GJA3: variants seen among roughly 807,000 people sequenced by gnomAD.
GJA3 encodes the protein gap junction protein alpha 3.
For synonymous variants in GJA3, 297 were observed against 292.6 expected, an observed-to-expected ratio of 1.02 and a Z score of -0.15; for missense variants, 571 against 620.3, an observed-to-expected ratio of 0.92 and a Z score of 0.84.
chr13:20,142,401 G>A lies in GJA3; in HGVS notation c.888C>T (p.Asp296=), dbSNP rs1219670318. The change falls in exon 2 of 2, where the codon GAC becomes GAT. Residue 296 remains aspartate, a synonymous_variant. Coordinates refer to ENST00000241125, the MANE Select transcript of GJA3 (RefSeq NM_021954.4). ...CCTCGGTCAGGGCTAGCAGTTTGAA[G>A]TCCGCGGCTGGTGGCGGGGCCCCGG... ...GYPGAPPPAA[D]FKLLALTEAR... is the part of the protein sequence containing the mutation. 2 of 1,504,748 alleles carry A rather than the reference G, an allele frequency of 1.3e-6. No individual in the cohort carries two copies. The highest frequency in any genetic ancestry group is 1.4e-5 in the African/African-American group (1 of 71,350). The allele number at this position is 1,504,748 out of a possible 1,614,324, so 93.2% of individuals were successfully genotyped here.
chr13:20,143,191 C>A lies in GJA3; in HGVS notation c.98G>T (p.Arg33Leu), dbSNP rs374701362. ...KVWLTVLFIF[R>L]ILVLGAAAED... ...CGCCGCGGCCCCCAGCACCAAGATG[C>A]GGAAGATGAACAGCACGGTCAGCCA... Residue 33 changes from arginine (R) to leucine (L), a missense_variant, in exon 2 of 2, where the codon CGC becomes CTC. By Grantham distance (102) the Arg-to-Leu change is moderately radical. Transcript: ENST00000241125. 1.3e-6 allele frequency: 2 copies of A among 1,594,986 alleles called. No homozygotes were observed. The highest frequency in any genetic ancestry group is 1.1e-5 in the South Asian group (1 of 87,408).
intron 1 of GJA3, among the ~76,000 whole-genome samples, chr13:20,152,063 C>A (rs1418643658): frequency 6.6e-6 from 1 of 152,026 alleles, no homozygotes; most frequent in Non-Finnish European, 1.5e-5. Context: ...AAGAAAATGG[C>A]GATCATGAAT....
chr13:20,149,559 C>T (rs1041028), intron 1 of GJA3, among the ~76,000 whole-genome samples: 52,033 of 151,996 alleles, frequency 0.34, 10,989 homozygotes, highest in Non-Finnish European at 0.46. Flanking sequence ...TGGAAAAATT[C>T]AGCAAATTAG....
intron 1 of GJA3, among the ~76,000 whole-genome samples, chr13:20,146,332 A>G (rs1378274805): frequency 6.6e-5 from 10 of 152,218 alleles, no homozygotes; most frequent in African/African-American, 1.9e-4. Context: ...CCTCATGGGA[A>G]AGAACTGTCC....
intron 1 of GJA3, among the ~76,000 whole-genome samples, chr13:20,160,187 T>C (rs1958928887): frequency 6.6e-6 from 1 of 152,122 alleles, no homozygotes; most frequent in African/African-American, 2.4e-5. Context: ...TTTTCTCAAG[T>C]CTCCTACGGG....
chr13:20,153,048 CTTTCATTCCTTGCCTA>C (rs2141143904), intron 1 of GJA3, among the ~76,000 whole-genome samples: 1 of 152,306 alleles, frequency 6.6e-6, no homozygotes, highest in East Asian at 1.9e-4. Flanking sequence ...CCATTAGCCT[CTTTCATTCCTTGCCTA>C]TTTCAAGCTT....
rs1048988005 is a variant in GJA3, at chr13:20,152,257, C to T, written c.-18+8633G>A. On this transcript the variant is annotated intron_variant, in intron 1 of 1. Transcript: ENST00000241125. The stretch of plus-strand genomic sequence containing the variant: ...ATCCAGAGGGTGAGCACAGATGGGC[C>T]GGGCACCTGCAGAGGAGCTGATCAC... Among the ~76,000 whole-genome samples, 5 of 152,060 alleles carry T rather than the reference C, an allele frequency of 3.3e-5. No homozygotes were observed. The South Asian group carries it at 1.0e-3, about 32-fold the overall frequency.
At position 20,160,954 on chromosome 13, in the gene GJA3, A is replaced by G. The variant is rs1332415510; in HGVS notation, c.-82T>C. The stretch of plus-strand genomic sequence containing the variant: ...GAGCAGGGCTCCCGGCCGCTCTGAA[A>G]AGAATTCCTTTCACACGTGCGGTGC... On this transcript the variant is annotated 5_prime_UTR_variant, in exon 1 of 2. Transcript: ENST00000241125. The G allele has an allele frequency of 6.6e-6, 1 of 152,018 alleles. No homozygotes were observed. Among genetic ancestry groups the G allele is most frequent in the African/African-American group, 2.4e-5 (1 of 41,368 alleles). The allele number at this position is 152,018 out of a possible 1,614,324, so 9.4% of individuals were successfully genotyped here. A position where few individuals can be genotyped will look rare whatever the true frequency, so the allele number is the denominator to read the frequency against.
chr13:20,142,094 T>C lies in GJA3; in HGVS notation c.1195A>G (p.Thr399Ala). ...GGCTGGTGCATCTGGGCCGCGGTGG[T>C]CACGGCCTGCTCCTCCTCCTCGGGG... Reference protein sequence around the residue: ...GTPEEEEQAVTTAAQMHQPPL... With the variant: ...GTPEEEEQAVATAAQMHQPPL... The change falls in exon 2 of 2, where the codon ACC (threonine) becomes GCC (alanine). Residue 399 changes from threonine to alanine, a missense_variant. By Grantham distance (58) the Thr-to-Ala change is moderately conservative. Transcript: ENST00000241125. 1 of 1,548,724 alleles carries C rather than the reference T, an allele frequency of 6.5e-7. No homozygotes were observed. Among genetic ancestry groups the C allele is most frequent in the Non-Finnish European group, 8.7e-7 (1 of 1,146,316 alleles).
rs750048015 is a variant in GJA3, at chr13:20,142,742, G to A, written c.547C>T (p.Arg183Cys). The A allele has an allele frequency of 1.9e-6, 3 of 1,613,674 alleles. No homozygotes were observed. Among genetic ancestry groups the A allele is most frequent in the Non-Finnish European group, 2.5e-6 (3 of 1,179,962 alleles). Residue 183 changes from arginine to cysteine, a missense_variant, in exon 2 of 2, where the codon CGC (arginine) becomes TGC (cysteine). Physicochemically the swap from Arg to Cys is radical, Grantham distance 180 (BLOSUM62 -3). Transcript: ENST00000241125. ...TCCACCGTGTTGGGGCAGGGCCAGC[G>A]GTCGCAGCGGTAGAGCGGCTTCAGC... Reference protein sequence around the residue: ...FELKPLYRCDRWPCPNTVDCF... With the variant: ...FELKPLYRCDCWPCPNTVDCF...
intron 1 of GJA3, among the ~76,000 whole-genome samples, chr13:20,157,050 T>C (rs1958910755): frequency 6.6e-6 from 1 of 152,258 alleles, no homozygotes; most frequent in Non-Finnish European, 1.5e-5. Flanking sequence ...ACTGAAATTA[T>C]TTACTTATCC....
At chr13:20,149,159 C>T (rs991533244) in intron 1 of GJA3, among the ~76,000 whole-genome samples, 2 of 152,068 alleles carry the variant, frequency 1.3e-5, no homozygotes, top group African/African-American at 2.4e-5. Context: ...GACAGTCTTG[C>T]TCTCAATTCT....
chr13:20,155,104 C>T (rs994992543), intron 1 of GJA3, among the ~76,000 whole-genome samples: 2 of 152,184 alleles, frequency 1.3e-5, no homozygotes, highest in African/African-American at 4.8e-5. Flanking sequence ...AGCCATCCTC[C>T]TGCCTCAGAC....
chr13:20,153,882 C>G, intron 1 of GJA3, among the ~76,000 whole-genome samples: 1 of 151,796 alleles, frequency 6.6e-6, no homozygotes, highest in Admixed American at 6.6e-5. Context: ...ATTACACAGA[C>G]CAGCATGAAA....
Position 20,142,361 on chromosome 13 carries a change from G to T in GJA3, c.928C>A (p.Gln310Lys). The T allele has an allele frequency of 2.0e-6, 3 of 1,537,214 alleles. No individual in the cohort carries two copies. Among genetic ancestry groups the T allele is most frequent in the Non-Finnish European group, 2.6e-6 (3 of 1,142,542 alleles). ...TGGCCGTTGTAGAGCTTGGCGGACT[G>T]GCCCTTTCCGCGCGCCTCGGTCAGG... Reference protein sequence around the residue: ...LALTEARGKGQSAKLYNGHHH... With the variant: ...LALTEARGKGKSAKLYNGHHH... The change falls in exon 2 of 2, where the codon CAG becomes AAG. Residue 310 changes from glutamine (Q) to lysine (K), a missense_variant. Gln to Lys is a moderately conservative substitution (Grantham distance 53). Coordinates refer to ENST00000241125, the MANE Select transcript of GJA3 (RefSeq NM_021954.4).
chr13:20,148,171 T>A (rs935967396), intron 1 of GJA3, among the ~76,000 whole-genome samples: 1 of 151,774 alleles, frequency 6.6e-6, no homozygotes, highest in Non-Finnish European at 1.5e-5. Flanking sequence ...AGATGCGGTA[T>A]CCACCTCCCT....
chr13:20,153,686 G>A (rs544877603), intron 1 of GJA3, among the ~76,000 whole-genome samples: 22 of 151,928 alleles, frequency 1.4e-4, no homozygotes, highest in African/African-American at 5.3e-4. Context: ...TAATGTAAAT[G>A]ACAAGTTAAC....
intron 1 of GJA3, 21 bp from the exon 2 acceptor site, chr13:20,143,326 T>A (rs760846919): frequency 6.7e-7 from 1 of 1,484,478 alleles, no homozygotes; most frequent in Non-Finnish European, 8.9e-7. Flanking sequence ...AAAATGCTCA[T>A]GAACACCGGG....
chr13:20,154,180 A>C (rs1958895142), intron 1 of GJA3, among the ~76,000 whole-genome samples: 1 of 152,230 alleles, frequency 6.6e-6, no homozygotes, highest in Non-Finnish European at 1.5e-5. Flanking sequence ...GAAATGCAGT[A>C]AGTTTAGAGA....
Sources: gnomAD v4.1 joint callset for allele counts (sites outside exome capture counted in the v4.1 genomes callset) on GRCh38, gnomAD v4.1.1 for gene constraint, MANE v1.5 for transcripts, NCBI Gene and HGNC (gene_info 2026-07-23, HGNC 2026-07-21) for gene names.